The following TF variants were observed in gnomAD, a reference collection of about 807,000 sequenced individuals.
TF encodes serotransferrin.
A neutral mutation model predicts 82.4 loss-of-function variants in TF; 55 were observed. That is an observed-to-expected ratio of 0.67 (90% CI 0.54 to 0.84). TF has a LOEUF of 0.84. Among genes scored for constraint, TF ranks in the 40% least tolerant of loss-of-function variants. The pLI, the probability that TF is intolerant of heterozygous loss-of-function variation, is 0.00. For missense variants in TF, 737 were observed against 868.4 expected (o/e 0.85, Z 1.90); for synonymous variants, 332 against 332.6 (o/e 1.00, Z 0.02).
At chr3:133,736,781 T>C in the TF span, among the ~76,000 whole-genome samples, 3 of 151,928 alleles carry the variant, frequency 2.0e-5, no homozygotes, top group Non-Finnish European at 2.9e-5. Flanking sequence ...ATCCTAAATA[T>C]ATATGCACCC....
At chr3:133,748,271 T>C in intron 1 of TF, 141 bp from the exon 2 acceptor site, 1 of 1,060,574 alleles carries the variant, frequency 9.4e-7, no homozygotes, top group Non-Finnish European at 1.4e-6. Flanking sequence ...CAGTAGAACT[T>C]GTGCCCTGTA....
At position 133,755,384 on chromosome 3, in the gene TF, G is replaced by A; in HGVS notation, c.524G>A (p.Gly175Asp). The part of the protein sequence containing the change: ...LEKAVANFFS[G>D]SCAPCADGTD... ...GCAGCAGTGGCCAATTTCTTCTCGG[G>A]CAGCTGTGCCCCTTGTGCGGATGGG... Residue 175 changes from glycine (G) to aspartate (D), a missense_variant, in exon 5 of 17, where the codon GGC becomes GAC. By Grantham distance (94) the Gly-to-Asp change is moderately conservative (BLOSUM62 -1). Transcript: ENST00000402696. 1 of 1,614,238 alleles carries A rather than the reference G, an allele frequency of 6.2e-7. No individual in the cohort carries two copies. The highest frequency in any genetic ancestry group is 8.5e-7 in the Non-Finnish European group (1 of 1,180,048).
chr3:133,794,193 C>G lies in TF; in HGVS notation c.*15573C>G, dbSNP rs139392755. ...CCTTGTCCTTCCTAAGTCGTTAAAG[C>G]TTTTGTTAGTAAAATTTCTGCATTA... is the stretch of plus-strand genomic sequence containing the variant. On this transcript the variant is annotated 3_prime_UTR_variant, in exon 17 of 17. Transcript: ENST00000402696. 3.0e-4 allele frequency: 46 copies of G among 152,214 alleles called. No individual in the cohort carries two copies. The highest frequency in any genetic ancestry group is 9.6e-4 in the African/African-American group (40 of 41,540). The allele number at this position is 152,214 out of a possible 1,614,324, so 9.4% of individuals were successfully genotyped here.
In TF at chr3:133,795,934, A is replaced by G. The variant is rs1490824485; in HGVS notation, c.*17314A>G. 1.3e-5 allele frequency: 2 copies of G among 152,212 alleles called. No individual in the cohort carries two copies. Among genetic ancestry groups the G allele is most frequent in the African/African-American group, 2.4e-5 (1 of 41,406 alleles). The allele number at this position is 152,212 out of a possible 1,614,324, so 9.4% of individuals were successfully genotyped here. A position where few individuals can be genotyped will look rare whatever the true frequency, so the allele number is the denominator to read the frequency against. ...GAGGTCATTTTTTTGTACTGAGCCCATGCGCCAGGCCCCAACAGACCAAAC... is the reference window on the plus strand; with the variant it reads ...GAGGTCATTTTTTTGTACTGAGCCCGTGCGCCAGGCCCCAACAGACCAAAC... On this transcript the variant is annotated 3_prime_UTR_variant, in exon 17 of 17. Transcript: ENST00000402696.
rs1934763457 is a variant in TF, at chr3:133,789,082, T to A, written c.*10462T>A. 1 of 152,286 alleles carries A rather than the reference T, an allele frequency of 6.6e-6. No individual in the cohort carries two copies. The highest frequency in any genetic ancestry group is 1.5e-5 in the Non-Finnish European group (1 of 68,108). The allele number at this position is 152,286 out of a possible 1,614,324, so 9.4% of individuals were successfully genotyped here. On this transcript the variant is annotated 3_prime_UTR_variant, in exon 17 of 17. Coordinates refer to ENST00000402696, the MANE Select transcript of TF (RefSeq NM_001063.4). ...ACGTAAGGTCAGAGATGCCTGACAC[T>A]CTTAAGACTGGACCCCAAAGGGGGA... is the stretch of plus-strand genomic sequence containing the variant.
chr3:133,768,182 G>C lies in TF; in HGVS notation c.1622+18G>C, dbSNP rs772427887. The C allele has an allele frequency of 6.2e-7, 1 of 1,614,028 alleles. No homozygotes were observed. The highest frequency in any genetic ancestry group is 8.5e-7 in the Non-Finnish European group (1 of 1,179,958). ...GCTTTCAGGTGAGTCTTTTAACCCT[G>C]AAACAAATAGAATAATATACAAGCC... On this transcript the variant is annotated intron_variant, in intron 13 of 16. Transcript: ENST00000402696.
In TF at chr3:133,792,825, A is replaced by T. The variant is rs1007253548; in HGVS notation, c.*14205A>T. 1 of 152,204 alleles carries T rather than the reference A, an allele frequency of 6.6e-6. No individual in the cohort carries two copies. The highest frequency in any genetic ancestry group is 2.4e-5 in the African/African-American group (1 of 41,462). 9.4% of individuals were successfully genotyped at this position (152,204 alleles called of 1,614,324 possible). On this transcript the variant is annotated 3_prime_UTR_variant, in exon 17 of 17. Transcript: ENST00000402696. Reference sequence around the variant, plus strand: ...ATAAAAATTAATATTGTAAAAAATTATGTGTGTGAACATATTGACTAAATT... The same window carrying T: ...ATAAAAATTAATATTGTAAAAAATTTTGTGTGTGAACATATTGACTAAATT...
At chr3:133,709,730 A>C in the TF span, 2 of 152,930 alleles carry the variant, frequency 1.3e-5, no homozygotes, top group Admixed American at 1.3e-4. Flanking sequence ...TGGGTAAAGG[A>C]GAAATTCAGT....
At chr3:133,701,308 C>T in the TF span, 1 of 152,150 alleles carries the variant, frequency 6.6e-6, no homozygotes. Flanking sequence ...GTCATCCCAC[C>T]CAGGGTGAGT....
chr3:133,744,119 T>C (rs1312920970), upstream of TF, among the ~76,000 whole-genome samples: 1 of 152,202 alleles, frequency 6.6e-6, no homozygotes, highest in Non-Finnish European at 1.5e-5. Context: ...AAAGGACCCT[T>C]CTGAGGACAG....
the TF span, chr3:133,692,803 A>G: frequency 6.5e-6 from 1 of 152,836 alleles, no homozygotes; most frequent in African/African-American, 2.4e-5. Context: ...TGTCATTGCC[A>G]TGGTGAAGAG....
chr3:133,668,221 G>A, the TF span, among the ~76,000 whole-genome samples: 1 of 152,206 alleles, frequency 6.6e-6, no homozygotes, highest in Non-Finnish European at 1.5e-5. Context: ...GAAACCTGGA[G>A]TATTCAGACT....
At chr3:133,733,890 T>C in the TF span, among the ~76,000 whole-genome samples, 1 of 151,982 alleles carries the variant, frequency 6.6e-6, no homozygotes, top group Admixed American at 6.5e-5. Context: ...AACATGTATT[T>C]ATTCTATTCT....
chr3:133,742,909 A>G (rs1933419212), upstream of TF, among the ~76,000 whole-genome samples: 2 of 152,152 alleles, frequency 1.3e-5, no homozygotes, highest in African/African-American at 2.4e-5. Flanking sequence ...TTGAAATTTG[A>G]GAGTTTTGCC....
In TF at chr3:133,789,889, T is replaced by G. The variant is rs1462185587; in HGVS notation, c.*11269T>G. ...AACGATCTCGTTTGCGTTTTTTTTT[T>G]TTTTTTTTTTTTTTTTTTTGACAAA... On this transcript the variant is annotated 3_prime_UTR_variant, in exon 17 of 17. Coordinates refer to ENST00000402696, the MANE Select transcript of TF (RefSeq NM_001063.4). 8.2e-5 allele frequency: 4 copies of G among 48,924 alleles called. No homozygotes were observed. The East Asian group carries it at 4.9e-3, about 60-fold the overall frequency. The allele number at this position is 48,924 out of a possible 1,614,324, so 3.0% of individuals were successfully genotyped here. A position where few individuals can be genotyped will look rare whatever the true frequency, so the allele number is the denominator to read the frequency against.
chr3:133,696,593 A>G, the TF span, among the ~76,000 whole-genome samples: 1 of 152,236 alleles, frequency 6.6e-6, no homozygotes, highest in African/African-American at 2.4e-5. Context: ...ACAAGTTGTA[A>G]TAATCAATTC....
At chr3:133,681,590 G>A in the TF span, among the ~76,000 whole-genome samples, 3 of 152,128 alleles carry the variant, frequency 2.0e-5, no homozygotes, top group Non-Finnish European at 4.4e-5. Context: ...CACCCATGGA[G>A]CCTCGCTCAT....
the TF span, among the ~76,000 whole-genome samples, chr3:133,717,830 T>A: frequency 6.6e-6 from 1 of 152,086 alleles, no homozygotes; most frequent in Non-Finnish European, 1.5e-5. Flanking sequence ...ATTATAATGA[T>A]GTAATAATGG....
At chr3:133,685,930 C>G in the TF span, among the ~76,000 whole-genome samples, 10 of 152,190 alleles carry the variant, frequency 6.6e-5, no homozygotes, top group African/African-American at 2.4e-4. Flanking sequence ...AGGCATCACG[C>G]TACCTGACTT....
Sources: allele counts gnomAD v4.1 joint callset (sites outside exome capture counted in the v4.1 genomes callset), GRCh38; gene constraint gnomAD v4.1.1; transcripts MANE v1.5; gene names NCBI Gene and HGNC (gene_info 2026-07-23, HGNC 2026-07-21).